The following A1CF variants were observed in gnomAD, a reference collection of about 807,000 sequenced individuals.
A1CF encodes APOBEC-1 stimulating protein.
In A1CF, 48 loss-of-function variants were observed where a neutral mutation model predicts 68.9. The ratio of observed to expected loss-of-function variants is 0.70; its 90% confidence interval spans 0.55 to 0.89. The LOEUF (loss-of-function observed/expected upper bound fraction) is 0.89, where lower values mean the gene tolerates loss of function less well. Among genes scored for constraint, A1CF ranks in the 40% least tolerant of loss-of-function variants. The probability of loss-of-function intolerance (pLI) is 0.00; values close to 1 mark genes in which losing one functional copy is unlikely to be tolerated. For missense variants in A1CF, 653 were observed against 718.9 expected, an observed-to-expected ratio of 0.91 and a Z score of 1.05; for synonymous variants, 272 against 260.4, an observed-to-expected ratio of 1.04 and a Z score of -0.43.
rs892675210 is a variant in A1CF, at chr10:50,803,680, A to T, written c.*3049T>A. 27 of 152,326 alleles carry T rather than the reference A, an allele frequency of 1.8e-4. No individual in the cohort carries two copies. The highest frequency in any genetic ancestry group is 5.5e-4 in the African/African-American group (23 of 41,574). The allele number at this position is 152,326 out of a possible 1,614,324, so 9.4% of individuals were successfully genotyped here. A position where few individuals can be genotyped will look rare whatever the true frequency, so the allele number is the denominator to read the frequency against. On this transcript the variant is annotated 3_prime_UTR_variant, in exon 13 of 13. Coordinates refer to ENST00000373997, the MANE Select transcript of A1CF (RefSeq NM_014576.4). ...AATTTCCTCCTACTTAAGCAACATTAGGCTGATTTTAATTATCAATAAGCT... is the reference window on the plus strand; with the variant it reads ...AATTTCCTCCTACTTAAGCAACATTTGGCTGATTTTAATTATCAATAAGCT...
At position 50,806,845 on chromosome 10, in the gene A1CF, C is replaced by T. The variant is rs534641316; in HGVS notation, c.1645G>A (p.Ala549Thr). The T allele has an allele frequency of 5.0e-6, 8 of 1,613,216 alleles. No homozygotes were observed. In the African/African-American group the frequency reaches 6.7e-5, roughly 13 times the overall value. ...AVPNATAPVSAAQLKQAVTLG... is the reference protein window; with the variant it reads ...AVPNATAPVSTAQLKQAVTLG... ...GTTACCGCTTGCTTGAGCTGGGCTG[C>T]AGACACGGGTGCAGTTGCATTAGGG... is the stretch of plus-strand genomic sequence containing the variant. Residue 549 changes from alanine (A) to threonine (T), a missense_variant, in exon 13 of 13, where the codon GCA becomes ACA. Ala to Thr is a moderately conservative substitution (Grantham distance 58). Transcript: ENST00000373997.
chr10:50,811,085 A>G lies in A1CF; in HGVS notation c.1415T>C (p.Leu472Ser), dbSNP rs770754300. The change falls in exon 11 of 13, where the codon TTG (leucine) becomes TCG (serine). Residue 472 changes from leucine (L) to serine (S), a missense_variant. By Grantham distance (145) the Leu-to-Ser change is moderately radical. Transcript: ENST00000373997. ...TAGAGCAGGAATAGTTATTTTGTAC[A>G]AGAATAGCTGTCTTTGGTCTTGTCC... ...AIGQDQRQLF[L>S]YKITIPALAS... is the part of the protein sequence containing the mutation. 8 of 1,613,648 alleles carry G rather than the reference A, an allele frequency of 5.0e-6. No individual in the cohort carries two copies. Among genetic ancestry groups the G allele is most frequent in the Non-Finnish European group, 5.9e-6 (7 of 1,179,716 alleles).
At chr10:50,810,673 G>A (rs917688248) in intron 11 of A1CF, among the ~76,000 whole-genome samples, 7 of 152,048 alleles carry the variant, frequency 4.6e-5, no homozygotes, top group Admixed American at 6.5e-5. Context: ...TACTACATCC[G>A]GCTAATTTTT....
chr10:50,881,931 T>C (rs1387684672), intron 1 of A1CF, among the ~76,000 whole-genome samples: 2 of 152,336 alleles, frequency 1.3e-5, no homozygotes, highest in African/African-American at 2.4e-5. Context: ...CATATATGCA[T>C]AAAACTCCAC....
At chr10:50,841,828 G>A in intron 5 of A1CF, 34 bp downstream of exon 5, 1 of 1,607,306 alleles carries the variant, frequency 6.2e-7, no homozygotes, top group African/African-American at 1.3e-5. Context: ...TGCATTGTTT[G>A]TTTCACTTTT....
chr10:50,875,955 C>A (rs1258072176), intron 1 of A1CF, among the ~76,000 whole-genome samples: 1 of 152,190 alleles, frequency 6.6e-6, no homozygotes, highest in Non-Finnish European at 1.5e-5. Flanking sequence ...ACTTGACTTT[C>A]CTGATTTTCT....
chr10:50,831,397 C>G (rs1202769590), intron 6 of A1CF, among the ~76,000 whole-genome samples: 1 of 152,088 alleles, frequency 6.6e-6, no homozygotes, highest in Non-Finnish European at 1.5e-5. Context: ...ATAGAGAACT[C>G]AAACAATCAA....
At chr10:50,878,014 C>G (rs997956249) in intron 1 of A1CF, among the ~76,000 whole-genome samples, 4 of 152,060 alleles carry the variant, frequency 2.6e-5, no homozygotes, top group African/African-American at 4.8e-5. Context: ...CCCAGCTACT[C>G]AGGAGGCTGA....
intron 8 of A1CF, among the ~76,000 whole-genome samples, chr10:50,817,093 A>G (rs1838408710): frequency 1.3e-5 from 2 of 152,176 alleles, no homozygotes; most frequent in African/African-American, 4.8e-5. Context: ...GTCAAAGATA[A>G]TGGATGTATG....
At chr10:50,809,210 A>G (rs1158425320) in intron 12 of A1CF, among the ~76,000 whole-genome samples, 2 of 152,180 alleles carry the variant, frequency 1.3e-5, no homozygotes, top group Non-Finnish European at 2.9e-5. Flanking sequence ...GCTTTAAGCA[A>G]TCAGCATATG....
At chr10:50,870,858 A>G (rs1841232238) in intron 1 of A1CF, among the ~76,000 whole-genome samples, 1 of 151,796 alleles carries the variant, frequency 6.6e-6, no homozygotes, top group Non-Finnish European at 1.5e-5. Context: ...TATGAACTAC[A>G]TATGAAAAAG....
At chr10:50,866,627 C>T (rs186752461) in intron 1 of A1CF, among the ~76,000 whole-genome samples, 6 of 152,320 alleles carry the variant, frequency 3.9e-5, no homozygotes, top group Admixed American at 1.3e-4. Context: ...GACCTGTTAG[C>T]TGGATAGTAT....
intron 2 of A1CF, among the ~76,000 whole-genome samples, chr10:50,860,990 A>G (rs1200799654): frequency 6.6e-6 from 1 of 152,168 alleles, no homozygotes; most frequent in Non-Finnish European, 1.5e-5. Context: ...TATGTTTTAC[A>G]ATGATCTGAA....
Position 50,844,096 on chromosome 10 carries a change from G to A in A1CF, c.126C>T (p.Gly42=), listed in dbSNP as rs971569521. The change falls in exon 4 of 13, where the codon GGC becomes GGT. Residue 42 remains glycine (G), a synonymous_variant. Transcript: ENST00000373997. The part of the protein sequence containing the change: ...VQENGQRKYG[G]PPPGWDAAPP... ...GTGCAGCATCCCAACCAGGTGGAGG[G>A]CCACCATATTTTCTTTGTCCATTTT... is the stretch of plus-strand genomic sequence containing the variant. 1 of 1,611,882 alleles carries A rather than the reference G, an allele frequency of 6.2e-7. No individual in the cohort carries two copies. Among genetic ancestry groups the A allele is most frequent in the South Asian group, 1.1e-5 (1 of 90,424 alleles).
Position 50,841,894 on chromosome 10 carries a change from A to G in A1CF, c.333T>C (p.Asn111=), listed in dbSNP as rs762077757. 2 of 1,613,456 alleles carry G rather than the reference A, an allele frequency of 1.2e-6. No homozygotes were observed. The highest frequency in any genetic ancestry group is 1.7e-6 in the Non-Finnish European group (2 of 1,179,792). The change falls in exon 5 of 13, where the codon AAT becomes AAC. Residue 111 remains asparagine, a synonymous_variant. Coordinates refer to ENST00000373997, the MANE Select transcript of A1CF (RefSeq NM_014576.4). ...VTFSNKVEAK[N]AIKQLNNYEI... Reference sequence around the variant, plus strand: ...CATAATTATTAAGTTGCTTGATTGCATTCTTGGCTTCCACTTTATTTGAAA... The same window carrying G: ...CATAATTATTAAGTTGCTTGATTGCGTTCTTGGCTTCCACTTTATTTGAAA...
intron 1 of A1CF, among the ~76,000 whole-genome samples, chr10:50,871,089 T>C (rs935077683): frequency 6.6e-6 from 1 of 151,650 alleles, no homozygotes; most frequent in African/African-American, 2.4e-5. Flanking sequence ...CATCCTTAAA[T>C]TGATAAAGAG....
At chr10:50,848,588 T>C (rs1403944611) in intron 3 of A1CF, among the ~76,000 whole-genome samples, 1 of 152,194 alleles carries the variant, frequency 6.6e-6, no homozygotes, top group Non-Finnish European at 1.5e-5. Flanking sequence ...TTTTCCTGAG[T>C]AGTAATTTCA....
chr10:50,839,916 A>G (rs1428948454), intron 5 of A1CF, among the ~76,000 whole-genome samples: 1 of 151,918 alleles, frequency 6.6e-6, no homozygotes, highest in East Asian at 1.9e-4. Context: ...CTAATTTTGT[A>G]TTTTTAGTAG....
intron 5 of A1CF, among the ~76,000 whole-genome samples, chr10:50,837,151 C>T (rs952030053): frequency 2.6e-5 from 4 of 152,204 alleles, no homozygotes; most frequent in Non-Finnish European, 4.4e-5. Flanking sequence ...ATCTGCCCCA[C>T]ACAAAAAGAC....
Sources: allele counts gnomAD v4.1 joint callset (sites outside exome capture counted in the v4.1 genomes callset), GRCh38; gene constraint gnomAD v4.1.1; transcripts MANE v1.5; gene names NCBI Gene and HGNC (gene_info 2026-07-23, HGNC 2026-07-21).